The following DNAI3 variants were observed in gnomAD, a reference collection of about 807,000 sequenced individuals.
The protein encoded by DNAI3 is WD repeat domain 63.
A neutral mutation model predicts 115.5 loss-of-function variants in DNAI3; 83 were observed. The ratio of observed to expected loss-of-function variants is 0.72; its 90% CI spans 0.60 to 0.86. The LOEUF is 0.86. DNAI3 is among the 40% of genes least tolerant of loss of function. DNAI3 has a pLI of 0.00. For missense variants in DNAI3, 1,004 were observed against 1,075.8 expected (o/e 0.93, Z 0.93); for synonymous variants, 320 against 347.0 (o/e 0.92, Z 0.86).
chr1:85,062,521 A>G (rs185743738), intron 1 of DNAI3, 35 bp downstream of exon 1: 1 of 152,230 alleles, frequency 6.6e-6, no homozygotes, highest in Non-Finnish European at 1.5e-5. Flanking sequence ...GGCGGCTTGG[A>G]AAACAAGTAT....
rs1425526730 is a variant in DNAI3 at position 85,085,217 on chromosome 1, A to G, written c.540+522A>G. Among the ~76,000 whole-genome samples the G allele has an allele frequency of 3.3e-5, 5 of 152,182 alleles. No individual in the cohort carries two copies. In the East Asian group the frequency reaches 7.7e-4, roughly 23 times the overall value. On this transcript the variant is annotated intron_variant, in intron 6 of 22. Coordinates refer to ENST00000294664, the MANE Select transcript of DNAI3 (RefSeq NM_145172.5). ...AAGGAAACAACCCTCAAACACATCAATTTCAAACTTCTAGCCTCCACAACT... is the reference window on the plus strand; with the variant it reads ...AAGGAAACAACCCTCAAACACATCAGTTTCAAACTTCTAGCCTCCACAACT...
At chr1:85,126,865 C>T (rs976941652) in intron 20 of DNAI3, 150 bp downstream of exon 20, 14 of 755,686 alleles carry the variant, frequency 1.9e-5, no homozygotes, top group Non-Finnish European at 2.8e-5. Flanking sequence ...TCTTCCTTTC[C>T]TTTTCATTCT....
At chr1:85,111,537 C>T (rs758695164) in intron 16 of DNAI3, among the ~76,000 whole-genome samples, 67 of 152,174 alleles carry the variant, frequency 4.4e-4, no homozygotes, top group African/African-American at 8.4e-4. Context: ...TGAGCAAAAA[C>T]AGATGCTAAT....
rs1368323483 is a variant in DNAI3, at chr1:85,071,990, A to G, written c.49A>G (p.Lys17Glu). Residue 17 changes from lysine to glutamate, a missense_variant, in exon 2 of 23, where the codon AAA becomes GAA. Physicochemically the swap from Lys to Glu is moderately conservative, Grantham distance 56 (BLOSUM62 1). Around this residue, in one of 3 missense-constraint regions of DNAI3, gnomAD observed 550 missense variants for 568.1 expected, o/e 0.97. Transcript: ENST00000294664. ...GACATCACGTGGCAAAAAAAGACTAAAACCAGTATTAGCTGGTAGGAATAT... is the reference window on the plus strand; with the variant it reads ...GACATCACGTGGCAAAAAAAGACTAGAACCAGTATTAGCTGGTAGGAATAT... ...KKTSRGKKRL[K>E]PVLAASEDME... 6.2e-7 allele frequency: 1 copy of G among 1,612,920 alleles called. No homozygotes were observed. Among genetic ancestry groups the G allele is most frequent in the Admixed American group, 1.7e-5 (1 of 59,734 alleles).
At position 85,110,074 on chromosome 1, in the gene DNAI3, T is replaced by C; in HGVS notation, c.1725T>C (p.Ser575=). The C allele has an allele frequency of 6.2e-7, 1 of 1,613,724 alleles. No individual in the cohort carries two copies. Among genetic ancestry groups the C allele is most frequent in the South Asian group, 1.1e-5 (1 of 91,068 alleles). ...TAAGGCTGTCCAAGGGTGAAACAAG[T>C]TTAGACCACTGTCCAACCAAGATAA... ...TKVRLSKGET[S]LDHCPTKISL... is the part of the protein sequence containing the mutation. Residue 575 remains serine (S), a synonymous_variant, in exon 16 of 23, where the codon AGT becomes AGC. Coordinates refer to ENST00000294664, the MANE Select transcript of DNAI3 (RefSeq NM_145172.5).
At chr1:85,086,229 G>A (rs190832447) in intron 7 of DNAI3, among the ~76,000 whole-genome samples, 199 bp downstream of exon 7, 2 of 152,146 alleles carry the variant, frequency 1.3e-5, no homozygotes, top group African/African-American at 4.8e-5. Flanking sequence ...AGGAAAATGA[G>A]ATAGAAGTAT....
At chr1:85,120,281 C>T (rs1571198411) in intron 17 of DNAI3, among the ~76,000 whole-genome samples, 1 of 152,084 alleles carries the variant, frequency 6.6e-6, no homozygotes, top group African/African-American at 2.4e-5. Flanking sequence ...GACTGGCTGG[C>T]GTGGGCTGAG....
intron 15 of DNAI3, among the ~76,000 whole-genome samples, chr1:85,108,437 GTGTA>G (rs1295962323): frequency 6.6e-6 from 1 of 152,100 alleles, no homozygotes; most frequent in Non-Finnish European, 1.5e-5. Context: ...CACATACACT[GTGTA>G]TGATTTACAC....
intron 7 of DNAI3, among the ~76,000 whole-genome samples, chr1:85,089,013 C>T (rs1654882583): frequency 6.6e-6 from 1 of 152,118 alleles, no homozygotes; most frequent in South Asian, 2.1e-4. Flanking sequence ...ACTCCCTTTA[C>T]CCCTTTGTCT....
intron 20 of DNAI3, 70 bp from the exon 21 acceptor site, chr1:85,128,635 ACTT>A (rs1365600124): frequency 3.1e-5 from 40 of 1,275,614 alleles, no homozygotes; most frequent in Admixed American, 2.7e-4. Context: ...ACAAAAACAT[ACTT>A]CATGTTTAAC....
chr1:85,111,305 T>G (rs867336285), intron 16 of DNAI3, among the ~76,000 whole-genome samples: 1 of 152,198 alleles, frequency 6.6e-6, no homozygotes, highest in Non-Finnish European at 1.5e-5. Context: ...TGTTTCTCTA[T>G]TAGGGCCTGC....
intron 1 of DNAI3, among the ~76,000 whole-genome samples, chr1:85,066,317 T>A (rs982025179): frequency 7.7e-5 from 9 of 117,068 alleles, no homozygotes; most frequent in African/African-American, 2.7e-4. Flanking sequence ...TGCTACTCTT[T>A]TTTTTTTTTT....
chr1:85,096,021 G>A lies in DNAI3; in HGVS notation c.1263+1G>A, dbSNP rs1192226257. 1.1e-5 allele frequency: 18 copies of A among 1,613,200 alleles called. No homozygotes were observed. Among genetic ancestry groups the A allele is most frequent in the Non-Finnish European group, 1.4e-5 (17 of 1,179,532 alleles). ...TGCTGGAGGCTGTATCAATGGGCAGGTACTTAACAGAATTTTTTTCAGCTA... is the reference window on the plus strand; with the variant it reads ...TGCTGGAGGCTGTATCAATGGGCAGATACTTAACAGAATTTTTTTCAGCTA... On this transcript the variant is annotated splice_donor_variant, in intron 11 of 22. Transcript: ENST00000294664. LOFTEE classifies it high-confidence loss of function.
intron 14 of DNAI3, among the ~76,000 whole-genome samples, chr1:85,106,327 CA>C (rs1655490211): frequency 1.3e-5 from 2 of 152,058 alleles, no homozygotes; most frequent in South Asian, 4.1e-4. Flanking sequence ...AGTGCAAAGA[CA>C]ACCACAGAAT....
chr1:85,072,832 C>G lies in DNAI3; in HGVS notation c.65-222C>G, dbSNP rs373173326. On this transcript the variant is annotated intron_variant, in intron 2 of 22. Coordinates refer to ENST00000294664, the MANE Select transcript of DNAI3 (RefSeq NM_145172.5). The stretch of plus-strand genomic sequence containing the variant: ...TAGCCGGGTGTGGTGGCGGGCGCCT[C>G]TAGTCCCAGCTACTCGGGAGGCTGA... Among the ~76,000 whole-genome samples the G allele has an allele frequency of 7.5e-3, 1,082 of 144,358 alleles. 35 individuals carry two copies. In the East Asian group the frequency reaches 0.092, roughly 12 times the overall value. The allele number at this position is 144,358 out of a possible 152,430, so 94.7% of individuals were successfully genotyped here. A position where few individuals can be genotyped will look rare whatever the true frequency, so the allele number is the denominator to read the frequency against.
At position 85,081,239 on chromosome 1, in the gene DNAI3, C is replaced by G. The variant is rs1654623178; in HGVS notation, c.109C>G (p.Pro37Ala). 1 of 1,573,062 alleles carries G rather than the reference C, an allele frequency of 6.4e-7. No homozygotes were observed. The highest frequency in any genetic ancestry group is 1.4e-5 in the African/African-American group (1 of 71,764). Reference protein sequence around the residue: ...EPVNMESMGHPEIYPLVLTTK... With the variant: ...EPVNMESMGHAEIYPLVLTTK... ...TTCCACTTTGTCTTTCCTAGGTCATCCAGAAATTTATCCTTTAGTATTAAC... is the reference window on the plus strand; with the variant it reads ...TTCCACTTTGTCTTTCCTAGGTCATGCAGAAATTTATCCTTTAGTATTAAC... The change falls in exon 4 of 23, where the codon CCA becomes GCA. Residue 37 changes from proline to alanine, a missense_variant. Around this residue, in one of 3 missense-constraint regions of DNAI3, gnomAD observed 550 missense variants for 568.1 expected, o/e 0.97. Transcript: ENST00000294664.
chr1:85,124,152 C>T lies in DNAI3; in HGVS notation c.2013C>T (p.His671=), dbSNP rs753481902. The change falls in exon 19 of 23, where the codon CAC becomes CAT. Residue 671 remains histidine, a synonymous_variant. Coordinates refer to ENST00000294664, the MANE Select transcript of DNAI3 (RefSeq NM_145172.5). ...SKKPVSHHTI[H]DGTVHTIQRS... ...AGCCAGTGAGCCACCACACCATTCA[C>T]GACGGAACTGTCCACACTATTCAGA... 28 of 1,614,074 alleles carry T rather than the reference C, an allele frequency of 1.7e-5. No individual in the cohort carries two copies. The highest frequency in any genetic ancestry group is 2.2e-5 in the East Asian group (1 of 44,896).
rs1399881684 is a variant in DNAI3 at position 85,104,137 on chromosome 1, T to TG, written c.1480-387_1480-386insG. On this transcript the variant is annotated intron_variant, in intron 13 of 22. Transcript: ENST00000294664. ...GGTATGTCCTTTTTTTTTTTTTTTT[T>TG]TGGGCTGGAGTCTCGCTCTGTCGCC... 1.2e-3 allele frequency among the ~76,000 whole-genome samples: 165 copies of TG among 142,790 alleles called. 1 individual carries two copies. Among genetic ancestry groups the TG allele is most frequent in the South Asian group, 3.1e-3 (14 of 4,546 alleles). The allele number at this position is 142,790 out of a possible 152,430, so 93.7% of individuals were successfully genotyped here.
chr1:85,128,744 GA>G lies in DNAI3; in HGVS notation c.2356del (p.Thr786HisfsTer5). 6.2e-7 allele frequency: 1 copy of G among 1,612,108 alleles called. No individual in the cohort carries two copies. The highest frequency in any genetic ancestry group is 1.1e-5 in the South Asian group (1 of 90,282). ...TTTATAGCCACAGCTGATTATTATG[GA>G]ACACTGCATATATTAGAAATTCCTT... The part of the protein sequence containing the change: ...QQFIATADYY[G>X]TLHILEIPWT... On this transcript the variant is annotated frameshift_variant, in exon 21 of 23. Coordinates refer to ENST00000294664, the MANE Select transcript of DNAI3 (RefSeq NM_145172.5). LOFTEE classifies it high-confidence loss of function.
Sources: allele counts gnomAD v4.1 joint callset (sites outside exome capture counted in the v4.1 genomes callset), GRCh38; gene constraint gnomAD v4.1.1; regional missense constraint gnomAD v4.1.1; transcripts MANE v1.5; gene names NCBI Gene and HGNC (gene_info 2026-07-23, HGNC 2026-07-21).